Variants in ZFYVE26 observed in about 807,000 individuals in gnomAD.
ZFYVE26 encodes the protein zinc finger FYVE-type containing 26, also known as zinc finger FYVE domain-containing protein 26.
A neutral mutation model predicts 276.5 loss-of-function variants in ZFYVE26; 181 were observed. That is an observed-to-expected ratio of 0.65 (90% CI 0.58 to 0.74). The LOEUF (loss-of-function observed/expected upper bound fraction) is 0.74. ZFYVE26 is among the 30% of genes least tolerant of loss of function. ZFYVE26 has a pLI of 0.00. For synonymous variants in ZFYVE26, 1,129 were observed against 1,203.1 expected (o/e 0.94, Z 1.27); for missense variants, 2,821 against 3,097.9 (o/e 0.91, Z 2.12).
rs1397828464 is a variant in ZFYVE26, at chr14:67,783,175, C to CTCGGGGAAG, written c.3968_3976dup (p.Pro1325_Arg1326insThrSerPro). 6.2e-7 allele frequency: 1 copy of CTCGGGGAAG among 1,609,720 alleles called. No homozygotes were observed. The highest frequency in any genetic ancestry group is 2.2e-5 in the East Asian group (1 of 44,818). On this transcript the variant is annotated inframe_insertion, in exon 21 of 42. Coordinates refer to ENST00000347230, the MANE Select transcript of ZFYVE26 (RefSeq NM_015346.4). Reference sequence around the variant, plus strand: ...CAAGCTGGGTTTGCTGACCTTTAACCTCGGGGAAGCCCCCAGGCAGGCCAC... The same window carrying CTCGGGGAAG: ...CAAGCTGGGTTTGCTGACCTTTAACCTCGGGGAAGTCGGGGAAGCCCCCAGGCAGGCCAC...
At chr14:67,742,832 C>CT (rs2038430824), downstream of ZFYVE26, among the ~76,000 whole-genome samples, 1 of 13,930 alleles carries the variant, frequency 7.2e-5, no homozygotes, top group African/African-American at 1.7e-4. Context: ...CTTCTTTCTT[C>CT]TTCTTCTTTT....
intron 10 of ZFYVE26, chr14:67,798,958 G>C: frequency 8.8e-7 from 1 of 1,134,028 alleles, no homozygotes; most frequent in South Asian, 1.2e-5. Context: ...TCGCGCCGCG[G>C]TTTCGGTGGG....
intron 13 of ZFYVE26, among the ~76,000 whole-genome samples, chr14:67,732,720 G>A (rs2038298985): frequency 6.6e-6 from 1 of 152,040 alleles, no homozygotes; most frequent in Non-Finnish European, 1.5e-5. Context: ...GGGATTACGG[G>A]TGCCCACCAC....
chr14:67,814,955 C>G (rs1215391365), intron 2 of ZFYVE26, among the ~76,000 whole-genome samples: 1 of 152,172 alleles, frequency 6.6e-6, no homozygotes, highest in Non-Finnish European at 1.5e-5. Flanking sequence ...TAAAACGGTA[C>G]ATTTGACTCC....
rs1318238309 is a variant in ZFYVE26, at chr14:67,761,433, A to G, written c.6521T>C (p.Leu2174Pro). The stretch of plus-strand genomic sequence containing the variant: ...CCTCACGTAGAAGCTGATGATGGCC[A>G]GGTTGGTGCTATAGTTGTGCAGGTA... ...LFYLHNYSTN[L>P]AIISFYVRHS... is the part of the protein sequence containing the mutation. Residue 2174 changes from leucine (L) to proline (P), a missense_variant, in exon 35 of 42, where the codon CTG becomes CCG. Transcript: ENST00000347230. 1.1e-5 allele frequency: 18 copies of G among 1,614,034 alleles called. No individual in the cohort carries two copies. The Admixed American group carries it at 3.0e-4, about 27-fold the overall frequency.
intron 25 of ZFYVE26, among the ~76,000 whole-genome samples, chr14:67,776,654 C>T (rs2039352544): frequency 6.6e-6 from 1 of 152,206 alleles, no homozygotes. Context: ...AAACCTGGCA[C>T]CTCCTATGTC....
At chr14:67,793,457 G>A (rs2039872227) in intron 14 of ZFYVE26, 151 bp downstream of exon 14, 1 of 808,992 alleles carries the variant, frequency 1.2e-6, no homozygotes, top group African/African-American at 1.7e-5. Context: ...GCTGAAGACT[G>A]GGCCTGGGCA....
In ZFYVE26 at chr14:67,786,215, A is replaced by G. The variant is rs1350888450; in HGVS notation, c.3038T>C (p.Val1013Ala). 7 of 1,572,622 alleles carry G rather than the reference A, an allele frequency of 4.5e-6. No individual in the cohort carries two copies. The highest frequency in any genetic ancestry group is 1.1e-5 in the South Asian group (1 of 90,054). Residue 1013 changes from valine (V) to alanine (A), a missense_variant, in exon 17 of 42, where the codon GTA becomes GCA. Val to Ala is a moderately conservative substitution (Grantham distance 64). Coordinates refer to ENST00000347230, the MANE Select transcript of ZFYVE26 (RefSeq NM_015346.4). ...LERRGRRIDH[V>A]LLNADGIRGF... ...TCGAATGCCATCAGCATTTAGGAGT[A>G]CGTGGTCTATCCGTCGACCTGGAAA...
At chr14:67,809,782 CTTTTTTTTTTT>C (rs58842467) in intron 3 of ZFYVE26, among the ~76,000 whole-genome samples, 1 of 120,116 alleles carries the variant, frequency 8.3e-6, no homozygotes, top group African/African-American at 3.1e-5. Flanking sequence ...ATTCTTTTCT[CTTTTTTTTTTT>C]TTTTTTTTTG....
intron 15 of ZFYVE26, 75 bp from the exon 16 acceptor site, chr14:67,789,673 T>C: frequency 6.3e-7 from 1 of 1,599,096 alleles, no homozygotes; most frequent in Non-Finnish European, 8.5e-7. Context: ...GGTAAAGTAG[T>C]TACTTTCAAA....
intron 28 of ZFYVE26, among the ~76,000 whole-genome samples, chr14:67,771,814 T>G (rs576157710): frequency 1.3e-5 from 2 of 152,210 alleles, no homozygotes; most frequent in Admixed American, 6.5e-5. Context: ...TATTATCTCA[T>G]GACAATGGCA....
intron 37 of ZFYVE26, among the ~76,000 whole-genome samples, chr14:67,754,658 G>C (rs1444143233): frequency 6.6e-5 from 10 of 152,220 alleles, no homozygotes; most frequent in African/African-American, 2.4e-4. Context: ...AGAGGGACTG[G>C]CAAGTATAAA....
At chr14:67,767,629 T>C (rs1456212839) in intron 31 of ZFYVE26, 75 bp downstream of exon 31, 1 of 1,597,708 alleles carries the variant, frequency 6.3e-7, no homozygotes, top group African/African-American at 1.3e-5. Context: ...TGTGTTCACC[T>C]ACCTCTGTAT....
intron 25 of ZFYVE26, 105 bp from the exon 26 acceptor site, chr14:67,776,211 G>A: frequency 6.7e-7 from 1 of 1,495,100 alleles, no homozygotes; most frequent in Non-Finnish European, 9.2e-7. Context: ...AACAAAAGGT[G>A]CATAGCCAGC....
At chr14:67,813,427 C>T (rs1388864699) in intron 3 of ZFYVE26, among the ~76,000 whole-genome samples, 1 of 151,636 alleles carries the variant, frequency 6.6e-6, no homozygotes, top group Non-Finnish European at 1.5e-5. Context: ...TAACATACTT[C>T]TAAAAGGACT....
chr14:67,811,314 T>C (rs1182947883), intron 3 of ZFYVE26, among the ~76,000 whole-genome samples: 1 of 152,178 alleles, frequency 6.6e-6, no homozygotes, highest in Non-Finnish European at 1.5e-5. Context: ...CTTCCTAAAA[T>C]AGGCAAGAAT....
At chr14:67,759,511 C>A (rs1248960552) in intron 35 of ZFYVE26, among the ~76,000 whole-genome samples, 1 of 150,882 alleles carries the variant, frequency 6.6e-6, no homozygotes, top group Non-Finnish European at 1.5e-5. Flanking sequence ...GTAATCCCAG[C>A]TAATCAGGAG....
chr14:67,811,664 G>C (rs1207043307), intron 3 of ZFYVE26, among the ~76,000 whole-genome samples: 1 of 151,416 alleles, frequency 6.6e-6, no homozygotes, highest in Non-Finnish European at 1.5e-5. Context: ...TGTATGTCCA[G>C]TTAGTCTTAT....
chr14:67,768,681 G>GA, intron 29 of ZFYVE26, 133 bp from the exon 30 acceptor site: 1 of 836,748 alleles, frequency 1.2e-6, no homozygotes, highest in Non-Finnish European at 2.0e-6. Flanking sequence ...ATTGTTGAAT[G>GA]AAAGAGTCCC....
Sources: gnomAD v4.1 joint callset for allele counts (sites outside exome capture counted in the v4.1 genomes callset) on GRCh38, gnomAD v4.1.1 for gene constraint, MANE v1.5 for transcripts, NCBI Gene and HGNC (gene_info 2026-07-23, HGNC 2026-07-21) for gene names.